ATP8B4: variants seen among roughly 807,000 people sequenced by gnomAD.
ATP8B4 encodes the protein probable phospholipid-transporting ATPase IM.
In ATP8B4, 133 loss-of-function variants were observed where a neutral mutation model predicts 145.6. The observed-to-expected ratio is 0.91, with a 90% CI of 0.79 to 1.05. The LOEUF is 1.05. ATP8B4 is among the 50% of genes least tolerant of loss of function. The probability of loss-of-function intolerance (pLI) is 0.00; values close to 1 mark genes in which losing one functional copy is unlikely to be tolerated. For synonymous variants in ATP8B4, 507 were observed against 492.9 expected (o/e 1.03, Z -0.38); for missense variants, 1,458 against 1,425.2 (o/e 1.02, Z -0.37).
chr15:50,149,620 T>C (rs1484723439), intron 1 of ATP8B4, among the ~76,000 whole-genome samples: 1 of 152,164 alleles, frequency 6.6e-6, no homozygotes, highest in Non-Finnish European at 1.5e-5. Context: ...AATGAAAAAC[T>C]ACTTCATTAG....
At chr15:49,977,416 T>A (rs924989117) in intron 12 of ATP8B4, among the ~76,000 whole-genome samples, 4 of 152,098 alleles carry the variant, frequency 2.6e-5, no homozygotes. Flanking sequence ...AACTCTAGAC[T>A]CTTTTTTTTC....
intron 20 of ATP8B4, among the ~76,000 whole-genome samples, chr15:49,910,080 A>G (rs548822839): frequency 6.3e-4 from 96 of 152,328 alleles, no homozygotes; most frequent in African/African-American, 2.2e-3. Context: ...GAGAACAAAG[A>G]TAAACAATAC....
chr15:50,095,957 A>C (rs563811851), intron 2 of ATP8B4, among the ~76,000 whole-genome samples: 16 of 152,330 alleles, frequency 1.1e-4, no homozygotes, highest in Middle Eastern at 3.4e-3. Flanking sequence ...GATATTGATA[A>C]AACTATTAGA....
At chr15:49,943,350 G>A (rs2042311777) in intron 14 of ATP8B4, among the ~76,000 whole-genome samples, 1 of 151,896 alleles carries the variant, frequency 6.6e-6, no homozygotes, top group African/African-American at 2.4e-5. Context: ...AGAAGGAAAT[G>A]GAGATCCATT....
At chr15:49,901,687 C>T (rs2038050439) in intron 20 of ATP8B4, 1 of 300,798 alleles carries the variant, frequency 3.3e-6, no homozygotes, top group Non-Finnish European at 6.5e-6. Context: ...ATAAATTCAT[C>T]AATTTGAGGT....
upstream of ATP8B4, among the ~76,000 whole-genome samples, chr15:50,121,806 G>A (rs1239366955): frequency 6.6e-6 from 1 of 152,046 alleles, no homozygotes; most frequent in African/African-American, 2.4e-5. Context: ...CCTTACTTTT[G>A]ACAAACGTCC....
chr15:49,874,154 T>G (rs1472407480), intron 25 of ATP8B4, among the ~76,000 whole-genome samples: 1 of 152,236 alleles, frequency 6.6e-6, no homozygotes, highest in East Asian at 1.9e-4. Context: ...TCCACTGCCT[T>G]CGTGAAGGTT....
At chr15:49,864,963 G>C (rs1231207591) in intron 26 of ATP8B4, among the ~76,000 whole-genome samples, 1 of 152,160 alleles carries the variant, frequency 6.6e-6, no homozygotes, top group East Asian at 1.9e-4. Flanking sequence ...TTCTGGCATA[G>C]ATTTAAAACT....
intron 1 of ATP8B4, among the ~76,000 whole-genome samples, chr15:50,140,896 T>G (rs1381164527): frequency 6.6e-6 from 1 of 152,180 alleles, no homozygotes; most frequent in African/African-American, 2.4e-5. Flanking sequence ...GATTGTAATG[T>G]GCAGGCAACT....
intron 2 of ATP8B4, among the ~76,000 whole-genome samples, chr15:50,090,192 A>T (rs1370883262): frequency 6.6e-6 from 1 of 152,042 alleles, no homozygotes; most frequent in African/African-American, 2.4e-5. Context: ...GAGGGGAAGA[A>T]CACACACTGG....
intron 6 of ATP8B4, among the ~76,000 whole-genome samples, chr15:50,011,397 A>C (rs551593261): frequency 6.6e-6 from 1 of 152,334 alleles, no homozygotes; most frequent in African/African-American, 2.4e-5. Context: ...AAGGACAAGA[A>C]CAACAAAGCA....
At chr15:49,892,227 A>G (rs944937688) in intron 23 of ATP8B4, among the ~76,000 whole-genome samples, 2 of 152,200 alleles carry the variant, frequency 1.3e-5, no homozygotes, top group African/African-American at 4.8e-5. Flanking sequence ...ATGTAAATCA[A>G]GAGAACTTTC....
chr15:49,901,011 G>A, intron 21 of ATP8B4, 81 bp downstream of exon 21: 1 of 1,487,508 alleles, frequency 6.7e-7, no homozygotes. Context: ...AAAAGACAAA[G>A]GAGGTCTCAT....
chr15:49,873,043 T>C (rs2153388794), intron 25 of ATP8B4, among the ~76,000 whole-genome samples: 1 of 152,380 alleles, frequency 6.6e-6, no homozygotes, highest in South Asian at 2.1e-4. Flanking sequence ...TAAAAGTTTT[T>C]TAAAGAAATT....
Position 49,858,955 on chromosome 15 carries a change from G to C in ATP8B4, c.*1239C>G, listed in dbSNP as rs896235025. On this transcript the variant is annotated 3_prime_UTR_variant, in exon 28 of 28. Coordinates refer to ENST00000284509, the MANE Select transcript of ATP8B4 (RefSeq NM_024837.4). ...ATCAACCAACCACATGAGGTAGGTA[G>C]TATGTCCTCATTTTACAGAGGAAGA... The C allele has an allele frequency of 3.9e-5, 6 of 152,150 alleles. No homozygotes were observed. The highest frequency in any genetic ancestry group is 1.2e-4 in the African/African-American group (5 of 41,448). The allele number at this position is 152,150 out of a possible 1,614,324, so 9.4% of individuals were successfully genotyped here.
At chr15:50,045,188 T>C (rs550731570) in intron 4 of ATP8B4, among the ~76,000 whole-genome samples, 9 of 152,304 alleles carry the variant, frequency 5.9e-5, no homozygotes, top group African/African-American at 2.2e-4. Flanking sequence ...AGAAGGTTTG[T>C]ATTCCACATA....
At chr15:50,065,115 A>G (rs1179168798) in intron 3 of ATP8B4, among the ~76,000 whole-genome samples, 3 of 152,226 alleles carry the variant, frequency 2.0e-5, no homozygotes, top group Non-Finnish European at 4.4e-5. Context: ...CATCATAAAA[A>G]AATGATAAGT....
chr15:50,007,768 G>A (rs2048419976), intron 7 of ATP8B4, among the ~76,000 whole-genome samples: 1 of 152,030 alleles, frequency 6.6e-6, no homozygotes, highest in African/African-American at 2.4e-5. Context: ...AGTGCAGGGA[G>A]ATATATTAGT....
chr15:50,032,296 G>C (rs371419849), intron 6 of ATP8B4, among the ~76,000 whole-genome samples: 16 of 151,716 alleles, frequency 1.1e-4, no homozygotes, highest in African/African-American at 3.6e-4. Flanking sequence ...TTGGTTTTCT[G>C]TTCCTGTGTT....
Sources: allele counts gnomAD v4.1 joint callset (sites outside exome capture counted in the v4.1 genomes callset), GRCh38; gene constraint gnomAD v4.1.1; transcripts MANE v1.5; gene names NCBI Gene and HGNC (gene_info 2026-07-23, HGNC 2026-07-21).